Variants in ELOVL2 observed in about 807,000 individuals in gnomAD.
The protein encoded by ELOVL2 is very long chain fatty acid elongase 2.
Under a neutral mutation model 37.7 loss-of-function variants are expected in ELOVL2, and 38 were observed. The ratio of observed to expected loss-of-function variants is 1.01; its 90% CI spans 0.78 to 1.32. ELOVL2 has a LOEUF of 1.32. Ranked by LOEUF, ELOVL2 falls within the 40% of genes most tolerant of loss-of-function variation. ELOVL2 has a pLI of 0.00. For synonymous variants in ELOVL2, 115 were observed against 122.3 expected (o/e 0.94, Z 0.40); for missense variants, 352 against 363.6 (o/e 0.97, Z 0.26).
chr6:10,985,856 TTAAAG>T (rs1236944058), intron 7 of ELOVL2, among the ~76,000 whole-genome samples: 1 of 152,094 alleles, frequency 6.6e-6, no homozygotes, highest in African/African-American at 2.4e-5. Flanking sequence ...CATATGAACT[TTAAAG>T]TAGTTTTTTC....
intron 5 of ELOVL2, among the ~76,000 whole-genome samples, chr6:10,994,706 A>G (rs1782232459): frequency 6.6e-6 from 1 of 152,218 alleles, no homozygotes; most frequent in African/African-American, 2.4e-5. Context: ...GAGTCAAAAC[A>G]GCGCCCGGGA....
intron 3 of ELOVL2, 136 bp downstream of exon 3, chr6:11,005,236 G>C: frequency 1.4e-6 from 1 of 702,134 alleles, no homozygotes; most frequent in Non-Finnish European, 2.3e-6. Context: ...TTTTCAGAAA[G>C]AATAATATCA....
intron 1 of ELOVL2, among the ~76,000 whole-genome samples, chr6:11,029,210 C>A (rs1782882733): frequency 9.2e-6 from 1 of 109,160 alleles, no homozygotes; most frequent in East Asian, 2.7e-4. Context: ...CCCGGGGCGA[C>A]AGAGGGAGAT....
chr6:10,987,146 T>C (rs918200204), intron 7 of ELOVL2, among the ~76,000 whole-genome samples: 1 of 152,250 alleles, frequency 6.6e-6, no homozygotes, highest in Non-Finnish European at 1.5e-5. Context: ...TAGAGGTGTT[T>C]GTAGTATTCT....
chr6:10,986,661 G>A (rs1252357878), intron 7 of ELOVL2, among the ~76,000 whole-genome samples: 1 of 151,968 alleles, frequency 6.6e-6, no homozygotes, highest in South Asian at 2.1e-4. Flanking sequence ...TTATTGATTT[G>A]CATATATTGA....
At chr6:11,005,901 A>G (rs185190319) in intron 2 of ELOVL2, among the ~76,000 whole-genome samples, 89 of 151,750 alleles carry the variant, frequency 5.9e-4, no homozygotes, top group African/African-American at 1.9e-3. Context: ...AATTTTATGG[A>G]TGGAAAAAAA....
chr6:11,039,462 T>C (rs554307022), intron 1 of ELOVL2, among the ~76,000 whole-genome samples: 3 of 152,358 alleles, frequency 2.0e-5, no homozygotes, highest in South Asian at 4.1e-4. Flanking sequence ...TTATGCATCA[T>C]AGTTGTACAT....
chr6:11,034,950 C>A (rs1782984870), intron 1 of ELOVL2, among the ~76,000 whole-genome samples: 1 of 152,016 alleles, frequency 6.6e-6, no homozygotes, highest in South Asian at 2.1e-4. Flanking sequence ...TTGCAGTGAG[C>A]CGAAATCACA....
At chr6:11,027,313 G>A (rs111411490) in intron 1 of ELOVL2, among the ~76,000 whole-genome samples, 2,998 of 152,204 alleles carry the variant, frequency 0.02, 100 homozygotes, top group African/African-American at 0.067. Flanking sequence ...AATGAGCTCA[G>A]AAACAAGTGA....
rs1011818509 is a variant in ELOVL2 at position 10,996,674 on chromosome 6, G to GA, written c.334-1497dup. ...GAGAGTGAGACTCTGCCTCAAAAAA[G>GA]AAAAAAAAAAAAATCCATCTTGACT... On this transcript the variant is annotated intron_variant, in intron 4 of 7. Coordinates refer to ENST00000354666, the MANE Select transcript of ELOVL2 (RefSeq NM_017770.4). 8.0e-3 allele frequency among the ~76,000 whole-genome samples: 1,052 copies of GA among 131,034 alleles called. 5 individuals are homozygous for GA. The highest frequency in any genetic ancestry group is 0.017 in the African/African-American group (599 of 35,472). 86.0% of individuals were successfully genotyped at this position (131,034 alleles called of 152,430 possible). A position where few individuals can be genotyped will look rare whatever the true frequency, so the allele number is the denominator to read the frequency against.
chr6:10,987,265 G>C (rs951607128), intron 7 of ELOVL2, among the ~76,000 whole-genome samples: 12 of 152,094 alleles, frequency 7.9e-5, no homozygotes, highest in Non-Finnish European at 1.5e-4. Context: ...CTTGCTAGCA[G>C]TCTATCAATT....
chr6:11,034,109 C>T (rs1417151414), intron 1 of ELOVL2, among the ~76,000 whole-genome samples: 1 of 152,102 alleles, frequency 6.6e-6, no homozygotes, highest in African/African-American at 2.4e-5. Context: ...CAGAAGCTGG[C>T]AATATGAAAA....
intron 1 of ELOVL2, among the ~76,000 whole-genome samples, chr6:11,014,444 A>G (rs1052583925): frequency 6.7e-6 from 1 of 149,528 alleles, no homozygotes; most frequent in Non-Finnish European, 1.5e-5. Flanking sequence ...GCACCACTGC[A>G]CTCCAGCCTG....
chr6:11,033,711 G>C (rs1205592463), intron 1 of ELOVL2, among the ~76,000 whole-genome samples: 1 of 152,114 alleles, frequency 6.6e-6, no homozygotes, highest in Non-Finnish European at 1.5e-5. Context: ...GTAACCCGAA[G>C]AGGAAGAAAC....
intron 3 of ELOVL2, 74 bp from the exon 4 acceptor site, chr6:11,000,238 C>A: frequency 7.3e-7 from 1 of 1,366,238 alleles, no homozygotes; most frequent in South Asian, 1.2e-5. Context: ...ATTTCCCATT[C>A]ATGTCTCTGG....
At chr6:10,992,544 A>G (rs1436167788) in intron 5 of ELOVL2, among the ~76,000 whole-genome samples, 1 of 152,016 alleles carries the variant, frequency 6.6e-6, no homozygotes, top group Non-Finnish European at 1.5e-5. Flanking sequence ...TAATCCCAGC[A>G]CTTTGGGAGG....
intron 1 of ELOVL2, among the ~76,000 whole-genome samples, chr6:11,022,819 TA>T (rs1782784280): frequency 7.7e-6 from 1 of 129,214 alleles, no homozygotes; most frequent in African/African-American, 4.6e-5. Flanking sequence ...CTATCATAAA[TA>T]GTCTCTTCTT....
At chr6:10,989,182 A>T (rs1782100547) in intron 7 of ELOVL2, among the ~76,000 whole-genome samples, 1 of 152,216 alleles carries the variant, frequency 6.6e-6, no homozygotes, top group Admixed American at 6.5e-5. Context: ...GCATTGAAAA[A>T]TGTTTTTAAA....
chr6:11,032,875 C>T (rs1398225166), intron 1 of ELOVL2, among the ~76,000 whole-genome samples: 1 of 152,142 alleles, frequency 6.6e-6, no homozygotes, highest in Non-Finnish European at 1.5e-5. Flanking sequence ...TGGAAACATA[C>T]TAACATATGG....
Sources: allele counts gnomAD v4.1 joint callset (sites outside exome capture counted in the v4.1 genomes callset), GRCh38; gene constraint gnomAD v4.1.1; transcripts MANE v1.5; gene names NCBI Gene and HGNC (gene_info 2026-07-23, HGNC 2026-07-21).